Variants in PRAMEF1 observed in about 807,000 individuals in gnomAD.
PRAMEF1 encodes the protein PRAME family member 1.
PRAMEF1 carries 21 observed loss-of-function variants against 38.2 expected under a neutral mutation model. The ratio of observed to expected loss-of-function variants is 0.55; its 90% CI spans 0.39 to 0.79. PRAMEF1 has a LOEUF of 0.79. Ranked by LOEUF, PRAMEF1 falls within the 30% of genes least tolerant of loss-of-function variation. The pLI, the probability that PRAMEF1 is intolerant of heterozygous loss-of-function variation, is 0.00. For synonymous variants in PRAMEF1, 200 were observed against 229.0 expected (o/e 0.87, Z 1.14); for missense variants, 497 against 565.8 (o/e 0.88, Z 1.23).
rs1240954895 is a variant in PRAMEF1, at chr1:12,796,610, TA to T, written c.*619del. The T allele has an allele frequency of 1.3e-5, 2 of 153,772 alleles. No individual in the cohort carries two copies. The highest frequency in any genetic ancestry group is 2.9e-5 in the Non-Finnish European group (2 of 69,276). The allele number at this position is 153,772 out of a possible 1,614,324, so 9.5% of individuals were successfully genotyped here. A position where few individuals can be genotyped will look rare whatever the true frequency, so the allele number is the denominator to read the frequency against. On this transcript the variant is annotated 3_prime_UTR_variant, in exon 4 of 4. Transcript: ENST00000332296. ...GTTGTAGAACATCAAAGCAACCAAA[TA>T]AAAATTAGATCATTTTGAGTATTTC...
In PRAMEF1 at chr1:12,795,779, G is replaced by A; in HGVS notation, c.1208G>A (p.Gly403Glu). The change falls in exon 4 of 4, where the codon GGG (glycine) becomes GAG (glutamate). Residue 403 changes from glycine to glutamate, a missense_variant. This residue lies in a region of PRAMEF1 where 470 missense variants were observed against 501.9 expected (regional missense o/e 0.94). Coordinates refer to ENST00000332296, the MANE Select transcript of PRAMEF1 (RefSeq NM_023013.4). ...AAGGACCTGCTGCGCCACACCAGTG[G>A]GCTGAGCAAGTTAAGCCTGGAGACG... is the stretch of plus-strand genomic sequence containing the variant. ...ALKDLLRHTS[G>E]LSKLSLETYP... is the part of the protein sequence containing the mutation. 1 of 1,610,954 alleles carries A rather than the reference G, an allele frequency of 6.2e-7. No homozygotes were observed. The highest frequency in any genetic ancestry group is 8.5e-7 in the Non-Finnish European group (1 of 1,179,614).
chr1:12,793,565 G>A, intron 2 of PRAMEF1, 51 bp downstream of exon 2: 2 of 1,551,156 alleles, frequency 1.3e-6, no homozygotes, highest in Non-Finnish European at 8.8e-7. Context: ...TCCAGGGAAA[G>A]AACAGCAGGG....
chr1:12,792,059 G>A lies in PRAMEF1; in HGVS notation c.-26+585G>A, dbSNP rs554868527. The stretch of plus-strand genomic sequence containing the variant: ...TTTTTTCAGATGGAGTTTCCCTATT[G>A]TTGCCCAGGCTGCAGTGCCATGGTG... On this transcript the variant is annotated intron_variant, in intron 1 of 3. Transcript: ENST00000332296. 1.3e-4 allele frequency among the ~76,000 whole-genome samples: 19 copies of A among 150,826 alleles called. 1 individual carries two copies. Among genetic ancestry groups the A allele is most frequent in the African/African-American group, 4.6e-4 (19 of 41,198 alleles).
At position 12,796,376 on chromosome 1, in the gene PRAMEF1, C is replaced by G. The variant is rs1639405115; in HGVS notation, c.*380C>G. The G allele has an allele frequency of 3.7e-6, 1 of 268,362 alleles. No homozygotes were observed. Among genetic ancestry groups the G allele is most frequent in the African/African-American group, 2.2e-5 (1 of 44,702 alleles). 16.6% of individuals were successfully genotyped at this position (268,362 alleles called of 1,614,324 possible). A position where few individuals can be genotyped will look rare whatever the true frequency, so the allele number is the denominator to read the frequency against. ...TGACATCAGTGAGAACTTCAGGGAC[C>G]CGTGTCCTAGAGTCGGAAAGAGAAG... On this transcript the variant is annotated 3_prime_UTR_variant, in exon 4 of 4. Coordinates refer to ENST00000332296, the MANE Select transcript of PRAMEF1 (RefSeq NM_023013.4).
At position 12,795,422 on chromosome 1, in the gene PRAMEF1, T is replaced by C. The variant is rs1639378207; in HGVS notation, c.867-16T>C. ...ACTGGTATCACTGCCCAGAACTAAC[T>C]TCTTGATCTCCACAGGTGCCTCCAG... On this transcript the variant is annotated splice_polypyrimidine_tract_variant and intron_variant, in intron 3 of 3. Transcript: ENST00000332296. 1 of 1,610,278 alleles carries C rather than the reference T, an allele frequency of 6.2e-7. No homozygotes were observed. Among genetic ancestry groups the C allele is most frequent in the Non-Finnish European group, 8.5e-7 (1 of 1,177,888 alleles).
chr1:12,796,161 G>C lies in PRAMEF1; in HGVS notation c.*165G>C. 1 of 1,286,930 alleles carries C rather than the reference G, an allele frequency of 7.8e-7. No homozygotes were observed. Among genetic ancestry groups the C allele is most frequent in the Non-Finnish European group, 1.0e-6 (1 of 962,836 alleles). 79.7% of individuals were successfully genotyped at this position (1,286,930 alleles called of 1,614,324 possible). A position where few individuals can be genotyped will look rare whatever the true frequency, so the allele number is the denominator to read the frequency against. On this transcript the variant is annotated 3_prime_UTR_variant, in exon 4 of 4. Coordinates refer to ENST00000332296, the MANE Select transcript of PRAMEF1 (RefSeq NM_023013.4). ...AGACAATTTGAGACAGGGTTTCGCT[G>C]TGTTGCTCCAGCTGGTCTCAAACTG...
Position 12,794,191 on chromosome 1 carries a change from T to C in PRAMEF1, c.564T>C (p.Tyr188=). ...TGTGCTGTAGTAAGCTGGTCAATTA[T>C]CTAACGCCGATTAAATATCTCAGAA... ...VHLCCSKLVN[Y]LTPIKYLRKS... is the part of the protein sequence containing the mutation. Residue 188 remains tyrosine (Y), a synonymous_variant, in exon 3 of 4, where the codon TAT becomes TAC. Coordinates refer to ENST00000332296, the MANE Select transcript of PRAMEF1 (RefSeq NM_023013.4). 2 of 1,611,368 alleles carry C rather than the reference T, an allele frequency of 1.2e-6. No homozygotes were observed. Among genetic ancestry groups the C allele is most frequent in the Non-Finnish European group, 1.7e-6 (2 of 1,178,400 alleles).
chr1:12,795,477 T>C lies in PRAMEF1; in HGVS notation c.906T>C (p.Tyr302=), dbSNP rs567311733. 2.5e-6 allele frequency: 4 copies of C among 1,612,294 alleles called. No homozygotes were observed. Among genetic ancestry groups the C allele is most frequent in the Non-Finnish European group, 3.4e-6 (4 of 1,179,108 alleles). ...QNPLENLELT[Y]GYLLEEDMKC... ...CCTTGGAGAACTTGGAATTAACTTA[T>C]GGCTACCTATTGGAAGAAGACATGA... is the stretch of plus-strand genomic sequence containing the variant. Residue 302 remains tyrosine, a synonymous_variant, in exon 4 of 4, where the codon TAT becomes TAC. Coordinates refer to ENST00000332296, the MANE Select transcript of PRAMEF1 (RefSeq NM_023013.4).
intron 3 of PRAMEF1, chr1:12,795,035 A>C: frequency 8.5e-7 from 1 of 1,173,428 alleles, no homozygotes; most frequent in African/African-American, 1.6e-5. Flanking sequence ...GAGTGGTAAA[A>C]AGTGACAGTT....
rs1267190570 is a variant in PRAMEF1 at position 12,794,040 on chromosome 1, G to A, written c.413G>A (p.Cys138Tyr). ...AGTAAGAGGCAGACAGCAGAGGACT[G>A]TCCAAGGATGGGAGAGCACCAGCCC... ...TTSKRQTAED[C>Y]PRMGEHQPLK... The change falls in exon 3 of 4, where the codon TGT becomes TAT. Residue 138 changes from cysteine to tyrosine, a missense_variant. Physicochemically the swap from Cys to Tyr is radical, Grantham distance 194. Coordinates refer to ENST00000332296, the MANE Select transcript of PRAMEF1 (RefSeq NM_023013.4). The A allele has an allele frequency of 1.2e-6, 2 of 1,609,020 alleles. No homozygotes were observed. Among genetic ancestry groups the A allele is most frequent in the East Asian group, 2.2e-5 (1 of 44,536 alleles).
intron 3 of PRAMEF1, chr1:12,794,823 G>A: frequency 7.6e-7 from 1 of 1,320,674 alleles, no homozygotes; most frequent in East Asian, 4.0e-5. Flanking sequence ...ATGTCAAAGA[G>A]ATAATAGAGG....
At position 12,795,476 on chromosome 1, in the gene PRAMEF1, A is replaced by T. The variant is rs5003730; in HGVS notation, c.905A>T (p.Tyr302Phe). ...CCCTTGGAGAACTTGGAATTAACTT[A>T]TGGCTACCTATTGGAAGAAGACATG... ...QNPLENLELT[Y>F]GYLLEEDMKC... is the part of the protein sequence containing the mutation. Residue 302 changes from tyrosine to phenylalanine, a missense_variant, in exon 4 of 4, where the codon TAT (tyrosine) becomes TTT (phenylalanine). Physicochemically the swap from Tyr to Phe is conservative, Grantham distance 22 (BLOSUM62 3). Around this residue, in one of 2 missense-constraint regions of PRAMEF1, gnomAD observed 470 missense variants for 501.9 expected, o/e 0.94. Transcript: ENST00000332296. The T allele has an allele frequency of 3.8e-6, 6 of 1,596,486 alleles. No homozygotes were observed. The highest frequency in any genetic ancestry group is 2.7e-5 in the African/African-American group (2 of 74,570).
At position 12,795,642 on chromosome 1, in the gene PRAMEF1, G is replaced by A. The variant is rs374464898; in HGVS notation, c.1071G>A (p.Glu357=). The A allele has an allele frequency of 1.9e-5, 31 of 1,611,356 alleles. No individual in the cohort carries two copies. The highest frequency in any genetic ancestry group is 2.5e-5 in the Non-Finnish European group (29 of 1,179,638). The change falls in exon 4 of 4, where the codon GAG becomes GAA. Residue 357 remains glutamate (E), a synonymous_variant. Transcript: ENST00000332296. ...IAASLKTLIL[E]GCQIHYSQLS... Reference sequence around the variant, plus strand: ...CCTCTCTCAAAACCCTCATCTTGGAGGGCTGTCAGATCCACTACTCCCAAC... The same window carrying A: ...CCTCTCTCAAAACCCTCATCTTGGAAGGCTGTCAGATCCACTACTCCCAAC...
At chr1:12,791,774 T>G (rs1480673858) in intron 1 of PRAMEF1, among the ~76,000 whole-genome samples, 20 of 148,672 alleles carry the variant, frequency 1.3e-4, no homozygotes, top group African/African-American at 4.6e-4. Context: ...TTTTGTGCCC[T>G]TCAATTACAG....
At position 12,796,580 on chromosome 1, in the gene PRAMEF1, T is replaced by A. The variant is rs1378461338; in HGVS notation, c.*584T>A. ...AAATACTAATTTGTCTGTGATTGAG[T>A]TTCAGTTGTAGAACATCAAAGCAAC... On this transcript the variant is annotated 3_prime_UTR_variant, in exon 4 of 4. Coordinates refer to ENST00000332296, the MANE Select transcript of PRAMEF1 (RefSeq NM_023013.4). 2 of 154,508 alleles carry A rather than the reference T, an allele frequency of 1.3e-5. No individual in the cohort carries two copies. The highest frequency in any genetic ancestry group is 3.9e-4 in the East Asian group (2 of 5,108). 9.6% of individuals were successfully genotyped at this position (154,508 alleles called of 1,614,324 possible).
intron 1 of PRAMEF1, among the ~76,000 whole-genome samples, chr1:12,792,407 C>T (rs1237938486): frequency 6.6e-6 from 1 of 151,074 alleles, no homozygotes; most frequent in Non-Finnish European, 1.5e-5. Context: ...TTGTTTTTTT[C>T]TGTGATGTAC....
intron 1 of PRAMEF1, among the ~76,000 whole-genome samples, chr1:12,792,185 C>A (rs1307640567): frequency 6.6e-6 from 1 of 150,924 alleles, no homozygotes; most frequent in Non-Finnish European, 1.5e-5. Flanking sequence ...CCATGCCCAG[C>A]TAATTTTTGT....
chr1:12,796,497 T>G lies in PRAMEF1; in HGVS notation c.*501T>G, dbSNP rs1736771. On this transcript the variant is annotated 3_prime_UTR_variant, in exon 4 of 4. Coordinates refer to ENST00000332296, the MANE Select transcript of PRAMEF1 (RefSeq NM_023013.4). Reference sequence around the variant, plus strand: ...CACCTGAATGAAAACTTTTAACCTGTTGTGCAATTTATCCATCAGAAATCT... The same window carrying G: ...CACCTGAATGAAAACTTTTAACCTGGTGTGCAATTTATCCATCAGAAATCT... The G allele has an allele frequency of 1.9e-5, 3 of 158,794 alleles. 1 individual carries two copies. The highest frequency in any genetic ancestry group is 4.2e-5 in the Non-Finnish European group (3 of 71,940). The allele number at this position is 158,794 out of a possible 1,614,324, so 9.8% of individuals were successfully genotyped here. A position where few individuals can be genotyped will look rare whatever the true frequency, so the allele number is the denominator to read the frequency against.
Position 12,793,921 on chromosome 1 carries a change from G to A in PRAMEF1, c.294G>A (p.Trp98Ter), listed in dbSNP as rs546475985. The change falls in exon 3 of 4, where the codon TGG (tryptophan) becomes TGA (stop). Residue 98 changes from tryptophan (W) to a stop codon, truncating the protein, a stop_gained. Coordinates refer to ENST00000332296, the MANE Select transcript of PRAMEF1 (RefSeq NM_023013.4). LOFTEE classifies it high-confidence loss of function. Reference protein sequence around the residue: ...LLTQKDRPRRWKLQVLDLRDV... With the variant: ...LLTQKDRPRR ...TCCCTTACTTTACCCACAGGAGGTG[G>A]AAACTTCAAGTGCTGGATTTGCGGG... The A allele has an allele frequency of 1.9e-6, 3 of 1,608,860 alleles. No individual in the cohort carries two copies. The highest frequency in any genetic ancestry group is 2.7e-5 in the African/African-American group (2 of 74,620).
Sources: gnomAD v4.1 joint callset for allele counts (sites outside exome capture counted in the v4.1 genomes callset) on GRCh38, gnomAD v4.1.1 for gene constraint, gnomAD v4.1.1 regional missense constraint, MANE v1.5 for transcripts, NCBI Gene and HGNC (gene_info 2026-07-23, HGNC 2026-07-21) for gene names.